The following COG6 variants were observed in gnomAD, a reference collection of about 807,000 sequenced individuals.
The protein encoded by COG6 is conserved oligomeric Golgi complex subunit 6.
A neutral mutation model predicts 88.8 loss-of-function variants in COG6; 74 were observed. That is an observed-to-expected ratio of 0.83 (90% CI 0.69 to 1.01). The LOEUF (loss-of-function observed/expected upper bound fraction) is 1.01. Among genes scored for constraint, COG6 ranks in the 50% least tolerant of loss-of-function variants. The pLI, the probability that COG6 is intolerant of heterozygous loss-of-function variation, is 0.00. For missense variants in COG6, 800 were observed against 797.9 expected (o/e 1.00, Z -0.03); for synonymous variants, 286 against 278.7 (o/e 1.03, Z -0.26).
At chr13:39,660,949 A>G in intron 3 of COG6, 68 bp downstream of exon 3, 1 of 896,666 alleles carries the variant, frequency 1.1e-6, no homozygotes, top group Non-Finnish European at 1.9e-6. Flanking sequence ...TATTGACAAA[A>G]TGTGTAGATA....
chr13:39,734,115 G>T (rs1879605803), intron 18 of COG6, among the ~76,000 whole-genome samples: 1 of 151,662 alleles, frequency 6.6e-6, no homozygotes, highest in African/African-American at 2.4e-5. Context: ...ATATATTTCT[G>T]CTCTGATCTT....
chr13:39,660,412 G>A (rs73179516), intron 2 of COG6, among the ~76,000 whole-genome samples: 93 of 152,302 alleles, frequency 6.1e-4, no homozygotes, highest in Non-Finnish European at 1.1e-3. Flanking sequence ...GTATCAGAAA[G>A]CAAAGATGCT....
intron 16 of COG6, among the ~76,000 whole-genome samples, chr13:39,724,244 T>G (rs1211384070): frequency 6.6e-6 from 1 of 151,982 alleles, no homozygotes; most frequent in Non-Finnish European, 1.5e-5. Context: ...CTTCATTGCC[T>G]TCATTTTCTT....
Position 39,659,395 on chromosome 13 carries a change from C to A in COG6, c.185C>A (p.Thr62Asn), listed in dbSNP as rs558503643. The change falls in exon 2 of 19, where the codon ACC becomes AAC. Residue 62 changes from threonine to asparagine, a missense_variant. By Grantham distance (65) the Thr-to-Asn change is moderately conservative. Coordinates refer to ENST00000455146, the MANE Select transcript of COG6 (RefSeq NM_020751.3). ...TTAGAAGCTCTCAAGGCACTTTCAA[C>A]CTTTTTTGTTGAAAATAGTCTGCGG... ...EMLEALKALS[T>N]FFVENSLRTR... The A allele has an allele frequency of 6.8e-6, 11 of 1,613,628 alleles. No individual in the cohort carries two copies. In the South Asian group the frequency reaches 1.2e-4, roughly 18 times the overall value.
chr13:39,687,836 A>G, intron 10 of COG6, 37 bp downstream of exon 10: 3 of 1,356,842 alleles, frequency 2.2e-6, no homozygotes, highest in Non-Finnish European at 3.2e-6. Context: ...GCCTAAATAT[A>G]GAAAATAACA....
chr13:39,723,117 G>T (rs1342445039), intron 15 of COG6, among the ~76,000 whole-genome samples: 1 of 152,010 alleles, frequency 6.6e-6, no homozygotes, highest in Non-Finnish European at 1.5e-5. Context: ...CCCAAATTTT[G>T]TGACTGGAGG....
Position 39,758,239 on chromosome 13 carries a change from A to AG in COG6, c.1827-30096_1827-30095insG, listed in dbSNP as rs1208990977. 2.0e-5 allele frequency among the ~76,000 whole-genome samples: 3 copies of AG among 148,630 alleles called. No homozygotes were observed. The South Asian group carries it at 6.4e-4, about 32-fold the overall frequency. Reference sequence around the variant, plus strand: ...TTCTCAAAAAAAAAAAAAAAAAAAAAAAATGACGAGCTGGACGCGGTGGCT... The same window carrying AG: ...TTCTCAAAAAAAAAAAAAAAAAAAAAGAAATGACGAGCTGGACGCGGTGGCT... On this transcript the variant is annotated intron_variant, in intron 18 of 18. Coordinates refer to the COG6 transcript ENST00000416691.
chr13:39,752,945 G>A (rs1880714987), downstream of COG6, among the ~76,000 whole-genome samples: 1 of 152,150 alleles, frequency 6.6e-6, no homozygotes, highest in Admixed American at 6.6e-5. Context: ...TGTTTGAATG[G>A]CAAAACCCTT....
At chr13:39,776,144 A>G (rs1368749784) in intron 18 of COG6, among the ~76,000 whole-genome samples, 1 of 152,222 alleles carries the variant, frequency 6.6e-6, no homozygotes, top group Non-Finnish European at 1.5e-5. Context: ...AGATAAAGAA[A>G]ACAACTACAA....
intron 18 of COG6, among the ~76,000 whole-genome samples, chr13:39,768,352 G>A (rs1428596090): frequency 6.6e-6 from 1 of 152,190 alleles, no homozygotes; most frequent in Non-Finnish European, 1.5e-5. Flanking sequence ...CCACTCCACA[G>A]GTGGCTTAGC....
exon 19 of COG6, chr13:39,789,739 A>C (rs1881885588): frequency 6.6e-6 from 1 of 152,274 alleles, no homozygotes; most frequent in South Asian, 2.1e-4. Flanking sequence ...GATGAATGAC[A>C]CAGCAGCAGG....
chr13:39,655,975 T>C, intron 1 of COG6, 96 bp downstream of exon 1: 1 of 1,458,926 alleles, frequency 6.9e-7, no homozygotes, highest in Non-Finnish European at 9.4e-7. Context: ...GTCTCCCTCG[T>C]CCCGGCAGCA....
chr13:39,730,986 T>A (rs1879416392), intron 18 of COG6, among the ~76,000 whole-genome samples: 1 of 151,478 alleles, frequency 6.6e-6, no homozygotes, highest in Non-Finnish European at 1.5e-5. Flanking sequence ...CACTCCTGGC[T>A]GATTTTTGTA....
intron 18 of COG6, among the ~76,000 whole-genome samples, chr13:39,768,459 G>A (rs1301913520): frequency 6.6e-6 from 1 of 152,222 alleles, no homozygotes; most frequent in Non-Finnish European, 1.5e-5. Context: ...CTGCTTTGCT[G>A]TACCAGCAGG....
chr13:39,687,220 C>T (rs1876700056), intron 8 of COG6, among the ~76,000 whole-genome samples: 1 of 152,080 alleles, frequency 6.6e-6, no homozygotes, highest in South Asian at 2.1e-4. Context: ...TTTACTAAGT[C>T]CATTGCTTTA....
chr13:39,684,243 A>ATATTTTTTTTT (rs1876492152), intron 8 of COG6, among the ~76,000 whole-genome samples: 1 of 67,382 alleles, frequency 1.5e-5, no homozygotes, highest in African/African-American at 6.7e-5. Flanking sequence ...AATTTGGAAG[A>ATATTTTTTTTT]TTTTTTTTTT....
At chr13:39,779,017 G>C (rs1302231248) in intron 18 of COG6, among the ~76,000 whole-genome samples, 1 of 152,208 alleles carries the variant, frequency 6.6e-6, no homozygotes, top group Non-Finnish European at 1.5e-5. Flanking sequence ...CAAATCAAGG[G>C]AGAAGGAAAA....
chr13:39,754,134 C>G (rs557589595), downstream of COG6, among the ~76,000 whole-genome samples: 4 of 152,160 alleles, frequency 2.6e-5, no homozygotes, highest in East Asian at 7.7e-4. Context: ...AACCCAACCC[C>G]CTTTTGACCT....
At chr13:39,684,243 A>ATTTTTTTTTTTTT (rs1203671335) in intron 8 of COG6, among the ~76,000 whole-genome samples, 779 of 67,304 alleles carry the variant, frequency 0.012, 154 homozygotes, top group Non-Finnish European at 0.013. Flanking sequence ...AATTTGGAAG[A>ATTTTTTTTTTTTT]TTTTTTTTTT....
Sources: allele counts gnomAD v4.1 joint callset (sites outside exome capture counted in the v4.1 genomes callset), GRCh38; gene constraint gnomAD v4.1.1; transcripts MANE v1.5; gene names NCBI Gene and HGNC (gene_info 2026-07-23, HGNC 2026-07-21).